Variants in GALNTL6 observed in about 807,000 individuals in gnomAD.
GALNTL6 encodes the protein polypeptide N-acetylgalactosaminyltransferase-like 6.
In GALNTL6, 46 loss-of-function variants were observed where a neutral mutation model predicts 73.7. That is an observed-to-expected ratio of 0.62 (90% CI 0.49 to 0.80). The LOEUF (loss-of-function observed/expected upper bound fraction) is 0.80, where lower values mean the gene tolerates loss of function less well. Ranked by LOEUF, GALNTL6 falls within the 30% of genes least tolerant of loss-of-function variation. The probability of loss-of-function intolerance (pLI) is 0.00; values close to 1 mark genes in which losing one functional copy is unlikely to be tolerated. For missense variants in GALNTL6, 604 were observed against 755.0 expected (o/e 0.80, Z 2.34); for synonymous variants, 259 against 263.7 (o/e 0.98, Z 0.17).
chr4:171,826,967 C>T (rs555081971), intron 2 of GALNTL6, among the ~76,000 whole-genome samples: 1 of 152,076 alleles, frequency 6.6e-6, no homozygotes, highest in Non-Finnish European at 1.5e-5. Context: ...TAAAAATATG[C>T]TCATCGGGAG....
chr4:172,756,643 A>G (rs1045461002), intron 5 of GALNTL6, among the ~76,000 whole-genome samples: 1 of 152,104 alleles, frequency 6.6e-6, no homozygotes, highest in Non-Finnish European at 1.5e-5. Flanking sequence ...GTGACTAAAA[A>G]AAAAAAAAGA....
intron 2 of GALNTL6, among the ~76,000 whole-genome samples, chr4:171,880,284 C>T (rs1736401610): frequency 6.6e-6 from 1 of 152,160 alleles, no homozygotes; most frequent in Non-Finnish European, 1.5e-5. Context: ...GTACAAATAA[C>T]CAGATGCATC....
chr4:172,101,149 T>A (rs1732503008), intron 2 of GALNTL6, among the ~76,000 whole-genome samples: 2 of 151,956 alleles, frequency 1.3e-5, no homozygotes, highest in Non-Finnish European at 2.9e-5. Context: ...AGAGCCAGTT[T>A]CCCTTTTCTC....
chr4:172,761,185 C>A (rs529232105), intron 5 of GALNTL6, among the ~76,000 whole-genome samples: 2 of 152,242 alleles, frequency 1.3e-5, no homozygotes, highest in Non-Finnish European at 2.9e-5. Flanking sequence ...TTAGGTGGTA[C>A]AAGTTGCAGA....
intron 2 of GALNTL6, among the ~76,000 whole-genome samples, chr4:172,144,734 G>T (rs1010574615): frequency 5.3e-5 from 8 of 152,220 alleles, no homozygotes; most frequent in African/African-American, 1.9e-4. Context: ...TCATCATAAT[G>T]TGTACAAAAT....
chr4:172,265,512 G>T (rs1380391512), intron 3 of GALNTL6, among the ~76,000 whole-genome samples: 2 of 152,068 alleles, frequency 1.3e-5, no homozygotes, highest in African/African-American at 4.8e-5. Context: ...AGTACAGTTT[G>T]CAGGTAGGTT....
chr4:171,963,946 C>T (rs116246496), intron 2 of GALNTL6, among the ~76,000 whole-genome samples: 3,104 of 152,186 alleles, frequency 0.02, 124 homozygotes, highest in African/African-American at 0.067. Flanking sequence ...TAGAATCTTG[C>T]TCCAGCATAA....
intron 5 of GALNTL6, among the ~76,000 whole-genome samples, chr4:172,726,735 T>C (rs1466173965): frequency 6.6e-6 from 1 of 152,230 alleles, no homozygotes; most frequent in Non-Finnish European, 1.5e-5. Context: ...ATTGAGAGCC[T>C]ATCATATATC....
chr4:172,088,975 G>T (rs1161359661), intron 2 of GALNTL6, among the ~76,000 whole-genome samples: 3 of 152,090 alleles, frequency 2.0e-5, no homozygotes, highest in Non-Finnish European at 2.9e-5. Flanking sequence ...GAGAAATCAG[G>T]GTAGTAATCA....
At chr4:172,958,755 T>C (rs1293772309) in intron 10 of GALNTL6, among the ~76,000 whole-genome samples, 1 of 152,106 alleles carries the variant, frequency 6.6e-6, no homozygotes, top group Non-Finnish European at 1.5e-5. Context: ...ACAGCCCAGG[T>C]AATTTGCTGA....
chr4:172,823,971 T>C (rs968835918), intron 7 of GALNTL6, among the ~76,000 whole-genome samples: 6 of 152,044 alleles, frequency 3.9e-5, no homozygotes, highest in Non-Finnish European at 8.8e-5. Flanking sequence ...GAGCCCAAGC[T>C]GTTGGGGGCA....
intron 5 of GALNTL6, among the ~76,000 whole-genome samples, chr4:172,616,901 C>T (rs1418927661): frequency 6.6e-6 from 1 of 152,104 alleles, no homozygotes; most frequent in Non-Finnish European, 1.5e-5. Context: ...TCACTTTTAC[C>T]TCAAGAAGAG....
chr4:172,816,754 A>G (rs1302585514), intron 7 of GALNTL6, among the ~76,000 whole-genome samples: 2 of 152,198 alleles, frequency 1.3e-5, no homozygotes, highest in Non-Finnish European at 2.9e-5. Context: ...GAGAAAAGGC[A>G]GCATTCATGA....
At chr4:172,452,561 G>C (rs1732252231) in intron 5 of GALNTL6, among the ~76,000 whole-genome samples, 1 of 152,160 alleles carries the variant, frequency 6.6e-6, no homozygotes, top group African/African-American at 2.4e-5. Flanking sequence ...AATATCTTTT[G>C]TGGATAAAAT....
intron 10 of GALNTL6, among the ~76,000 whole-genome samples, chr4:172,980,806 A>G (rs920687972): frequency 6.6e-6 from 1 of 152,190 alleles, no homozygotes; most frequent in African/African-American, 2.4e-5. Flanking sequence ...GGCAGGGGGG[A>G]GAGAGGGGCA....
chr4:172,210,408 T>C (rs934641940), intron 2 of GALNTL6, among the ~76,000 whole-genome samples: 1 of 152,126 alleles, frequency 6.6e-6, no homozygotes, highest in Non-Finnish European at 1.5e-5. Flanking sequence ...TAACATCATA[T>C]CTCCTTAGGC....
chr4:171,838,435 T>A (rs925408718), intron 2 of GALNTL6, among the ~76,000 whole-genome samples: 8 of 152,068 alleles, frequency 5.3e-5, no homozygotes, highest in African/African-American at 1.7e-4. Context: ...TGTCTTTGCT[T>A]TTTACTTTTA....
intron 2 of GALNTL6, among the ~76,000 whole-genome samples, chr4:171,825,378 G>A (rs1418044554): frequency 2.0e-5 from 3 of 152,026 alleles, no homozygotes; most frequent in Non-Finnish European, 2.9e-5. Flanking sequence ...ATTAAGTGAT[G>A]GGGGAAAATA....
chr4:171,944,640 A>T (rs1267525968), intron 2 of GALNTL6, among the ~76,000 whole-genome samples: 1 of 152,076 alleles, frequency 6.6e-6, no homozygotes, highest in Non-Finnish European at 1.5e-5. Flanking sequence ...TTCATTTCTA[A>T]TCCATCTTAG....
Sources: gnomAD v4.1 joint callset for allele counts (sites outside exome capture counted in the v4.1 genomes callset) on GRCh38, gnomAD v4.1.1 for gene constraint, MANE v1.5 for transcripts, NCBI Gene and HGNC (gene_info 2026-07-23, HGNC 2026-07-21) for gene names.